LDLRAD4: variants seen among roughly 807,000 people sequenced by gnomAD.
LDLRAD4 encodes the protein low density lipoprotein receptor class A domain containing 4, also known as low-density lipoprotein receptor class A domain-containing protein 4.
A neutral mutation model predicts 17.0 loss-of-function variants in LDLRAD4; 5 were observed. The ratio of observed to expected loss-of-function variants is 0.29; its 90% CI spans 0.15 to 0.62. LDLRAD4 has a LOEUF of 0.62. Ranked by LOEUF, LDLRAD4 falls within the 20% of genes least tolerant of loss-of-function variation. LDLRAD4 has a pLI of 0.84. For missense variants in LDLRAD4, 340 were observed against 424.7 expected, an observed-to-expected ratio of 0.80 and a Z score of 1.75; for synonymous variants, 168 against 171.8, an observed-to-expected ratio of 0.98 and a Z score of 0.17.
intron 3 of LDLRAD4, among the ~76,000 whole-genome samples, chr18:13,577,534 T>C (rs1001732965): frequency 6.6e-6 from 1 of 152,124 alleles, no homozygotes; most frequent in Non-Finnish European, 1.5e-5. Flanking sequence ...AGAAAAGTCC[T>C]CAGAGAAAAC....
rs1414848707 is a variant in LDLRAD4, at chr18:13,622,766, T to C, written c.336+1495T>C. Among the ~76,000 whole-genome samples the C allele has an allele frequency of 6.6e-6, 1 of 152,146 alleles. No individual in the cohort carries two copies. On this transcript the variant is annotated intron_variant, in intron 4 of 5. Coordinates refer to ENST00000359446, the Ensembl canonical transcript of LDLRAD4. This position sits in a 1 kb window ranked among gnomAD's most constrained non-coding sequence, Gnocchi z 5.3. ...GGAGAAAATCTCATCACAGCAGCAG[T>C]TTCAGAACCGCAGAAGGCTCAGACA...
intron 1 of LDLRAD4, among the ~76,000 whole-genome samples, chr18:13,252,138 T>G (rs1466106684): frequency 1.3e-5 from 2 of 151,614 alleles, no homozygotes; most frequent in Non-Finnish European, 3.0e-5. Flanking sequence ...TTGTTTGTTT[T>G]TTTGAGATGG....
intron 3 of LDLRAD4, among the ~76,000 whole-genome samples, chr18:13,579,751 C>T (rs1043441773): frequency 1.3e-5 from 2 of 152,214 alleles, no homozygotes; most frequent in African/African-American, 4.8e-5. Context: ...GAGACTGTTG[C>T]AAGTTATCCT....
chr18:13,489,066 G>A, intron 3 of LDLRAD4: 1 of 152,156 alleles, frequency 6.6e-6, no homozygotes, highest in East Asian at 1.9e-4. Flanking sequence ...TATCTTTATG[G>A]GTTTCTTTAA....
At chr18:13,274,178 T>C (rs574220047), upstream of LDLRAD4, among the ~76,000 whole-genome samples, 5 of 152,352 alleles carry the variant, frequency 3.3e-5, no homozygotes, top group East Asian at 9.6e-4. Flanking sequence ...CTGCTCAGCC[T>C]TCTTTCTTGG....
intron 3 of LDLRAD4, among the ~76,000 whole-genome samples, chr18:13,610,529 C>T (rs141756877): frequency 3.7e-4 from 56 of 151,962 alleles, no homozygotes; most frequent in African/African-American, 1.3e-3. Flanking sequence ...TCAGGTGATC[C>T]GCCCACCTCG....
intron 3 of LDLRAD4, among the ~76,000 whole-genome samples, chr18:13,592,447 C>G (rs1191998055): frequency 1.3e-5 from 2 of 152,206 alleles, no homozygotes; most frequent in Non-Finnish European, 2.9e-5. Context: ...AACTTCCTTC[C>G]TGTCTTCCCT....
At chr18:13,494,330 T>C (rs1313442289) in intron 3 of LDLRAD4, among the ~76,000 whole-genome samples, 2 of 151,846 alleles carry the variant, frequency 1.3e-5, no homozygotes, top group Non-Finnish European at 2.9e-5. Context: ...AGGAAACATA[T>C]TCATTTCCAG....
intron 3 of LDLRAD4, among the ~76,000 whole-genome samples, chr18:13,447,971 G>C (rs892617731): frequency 3.3e-5 from 5 of 152,200 alleles, no homozygotes; most frequent in Non-Finnish European, 7.3e-5. Context: ...TGCTTCCTGG[G>C]GGAGGCCAAG....
chr18:13,545,739 A>G (rs1259793442), intron 3 of LDLRAD4, among the ~76,000 whole-genome samples: 1 of 152,226 alleles, frequency 6.6e-6, no homozygotes, highest in Admixed American at 6.5e-5. Flanking sequence ...AAGCTAATTT[A>G]TGACACCAAG....
chr18:13,569,228 A>C (rs921754625), intron 3 of LDLRAD4, among the ~76,000 whole-genome samples: 3 of 152,138 alleles, frequency 2.0e-5, no homozygotes, highest in Non-Finnish European at 4.4e-5. Context: ...GGCCTCAGAA[A>C]CTTCTTTCCC....
At chr18:13,312,548 C>A (rs7236501) in intron 1 of LDLRAD4, among the ~76,000 whole-genome samples, 4,896 of 152,172 alleles carry the variant, frequency 0.032, 197 homozygotes, top group African/African-American at 0.096. Context: ...TTGAGATCAG[C>A]CTGGGTAACA....
Position 13,367,815 on chromosome 18 carries a change from G to A in LDLRAD4, c.-382-19526G>A, listed in dbSNP as rs1037046504. On this transcript the variant is annotated intron_variant, in intron 1 of 5. Transcript: ENST00000359446. This position sits in a 1 kb window ranked among gnomAD's most constrained non-coding sequence, Gnocchi z 4.1. ...GGCACGTGCTTTCAGGGGATGTACT[G>A]AGAGAGAGGGGACAGTGGGGTGTGG... Among the ~76,000 whole-genome samples the A allele has an allele frequency of 2.0e-5, 3 of 151,672 alleles. No homozygotes were observed. Among genetic ancestry groups the A allele is most frequent in the South Asian group, 4.2e-4 (2 of 4,758 alleles).
chr18:13,642,089 C>T, intron 4 of LDLRAD4: 4 of 985,588 alleles, frequency 4.1e-6, no homozygotes, highest in Non-Finnish European at 4.8e-6. Flanking sequence ...CACAGGCGGT[C>T]CCTGAGCCCA....
chr18:13,441,129 A>C (rs1208040685), intron 3 of LDLRAD4, among the ~76,000 whole-genome samples: 1 of 152,178 alleles, frequency 6.6e-6, no homozygotes, highest in East Asian at 1.9e-4. Flanking sequence ...GTGGCTTCCC[A>C]GGGGAGGAGG....
At chr18:13,463,000 G>T (rs776811925) in intron 3 of LDLRAD4, among the ~76,000 whole-genome samples, 2 of 152,206 alleles carry the variant, frequency 1.3e-5, no homozygotes, top group Non-Finnish European at 2.9e-5. Context: ...ACTGCCAGGG[G>T]CAGCAGCCAG....
chr18:13,514,494 G>A (rs1462373594), intron 3 of LDLRAD4: 2 of 152,112 alleles, frequency 1.3e-5, no homozygotes, highest in East Asian at 1.9e-4. Flanking sequence ...GGTGGGCCTC[G>A]CTGACAGGTG....
intron 1 of LDLRAD4, among the ~76,000 whole-genome samples, chr18:13,321,353 C>G (rs899775550): frequency 6.6e-6 from 1 of 152,226 alleles, no homozygotes; most frequent in African/African-American, 2.4e-5. Context: ...CTGGGCCTAT[C>G]GCCGTGTGAT....
intron 3 of LDLRAD4, chr18:13,565,179 C>T (rs1272827158): frequency 6.6e-6 from 1 of 152,252 alleles, no homozygotes; most frequent in African/African-American, 2.4e-5. Context: ...CAAGTATCCT[C>T]AGAGGGGTTT....
Sources: gnomAD v4.1 joint callset for allele counts (sites outside exome capture counted in the v4.1 genomes callset) on GRCh38, gnomAD v4.1.1 for gene constraint, Gnocchi (gnomAD v3.1) non-coding constraint, MANE v1.5 for transcripts, NCBI Gene and HGNC (gene_info 2026-07-23, HGNC 2026-07-21) for gene names.